The following LRGUK variants were observed in gnomAD, a reference collection of about 807,000 sequenced individuals.
The protein encoded by LRGUK is leucine-rich repeat and guanylate kinase domain-containing protein.
Under a neutral mutation model 76.0 loss-of-function variants are expected in LRGUK, and 65 were observed. The ratio of observed to expected loss-of-function variants is 0.85; its 90% CI spans 0.70 to 1.05. The LOEUF is 1.05. LRGUK is among the 50% of genes least tolerant of loss of function. The pLI is 0.00. For missense variants in LRGUK, 758 were observed against 732.8 expected, an observed-to-expected ratio of 1.03 and a Z score of -0.40; for synonymous variants, 268 against 265.6, an observed-to-expected ratio of 1.01 and a Z score of -0.09.
chr7:134,191,040 C>T (rs1800221522), intron 11 of LRGUK, among the ~76,000 whole-genome samples: 1 of 116,640 alleles, frequency 8.6e-6, no homozygotes, highest in Non-Finnish European at 2.0e-5. Flanking sequence ...CATGGATTGC[C>T]ACAGGAGGTT....
intron 10 of LRGUK, among the ~76,000 whole-genome samples, chr7:134,183,506 TTAAAG>T (rs1202625149): frequency 6.6e-6 from 1 of 152,282 alleles, no homozygotes; most frequent in Admixed American, 6.5e-5. Flanking sequence ...AAAAGTCATG[TTAAAG>T]TAAATTTACG....
chr7:134,164,435 A>G (rs1798886743), intron 7 of LRGUK, among the ~76,000 whole-genome samples: 1 of 152,188 alleles, frequency 6.6e-6, no homozygotes, highest in Admixed American at 6.5e-5. Context: ...AAAACCACAG[A>G]AACTGGCTTT....
intron 16 of LRGUK, among the ~76,000 whole-genome samples, chr7:134,240,555 A>G (rs980008784): frequency 6.6e-6 from 1 of 152,232 alleles, no homozygotes; most frequent in Non-Finnish European, 1.5e-5. Context: ...GGACTATGTG[A>G]AAAGACCAAA....
At position 134,178,935 on chromosome 7, in the gene LRGUK, A is replaced by AAAAAAAAAAAAAAACC. The variant is rs984857605; in HGVS notation, c.1214+339_1214+340insACCAAAAAAAAAAAAA. ...CACAACAGTGAAATCTCAAAAAAAA[A>AAAAAAAAAAAAAAACC]AAAAAAAAAAAAACCAGGACCAATT... On this transcript the variant is annotated intron_variant, in intron 10 of 15. Transcript: ENST00000645682. Among the ~76,000 whole-genome samples the AAAAAAAAAAAAAAACC allele has an allele frequency of 5.9e-4, 15 of 25,514 alleles. No homozygotes were observed. In the South Asian group the frequency reaches 6.7e-3, roughly 11 times the overall value. 16.7% of individuals were successfully genotyped at this position (25,514 alleles called of 152,430 possible).
intron 15 of LRGUK, among the ~76,000 whole-genome samples, chr7:134,216,001 T>C (rs1029418934): frequency 1.3e-5 from 2 of 152,212 alleles, no homozygotes; most frequent in African/African-American, 2.4e-5. Flanking sequence ...AAATTCATTA[T>C]TGCAAACAAC....
chr7:134,271,496 AT>A, the LRGUK span, among the ~76,000 whole-genome samples: 23 of 151,386 alleles, frequency 1.5e-4, no homozygotes, highest in African/African-American at 4.6e-4. Flanking sequence ...ATAGGATTGA[AT>A]TTTTTTTTAT....
intron 18 of LRGUK, among the ~76,000 whole-genome samples, chr7:134,250,239 T>C (rs1802410715): frequency 6.6e-6 from 1 of 152,148 alleles, no homozygotes; most frequent in African/African-American, 2.4e-5. Context: ...ACACCTAAAT[T>C]ATTTGCACAG....
At chr7:134,180,378 A>C (rs922922746) in intron 10 of LRGUK, among the ~76,000 whole-genome samples, 1 of 151,974 alleles carries the variant, frequency 6.6e-6, no homozygotes, top group Non-Finnish European at 1.5e-5. Context: ...ATCTATATCT[A>C]TCTGTCTGTT....
At chr7:134,263,858 A>G in exon 20 of LRGUK, 1 of 1,610,082 alleles carries the variant, frequency 6.2e-7, no homozygotes, top group African/African-American at 1.3e-5. Context: ...TACCTATACA[A>G]TCATTTTCAC....
intron 16 of LRGUK, among the ~76,000 whole-genome samples, chr7:134,226,982 A>T (rs1801779290): frequency 6.6e-6 from 1 of 152,130 alleles, no homozygotes; most frequent in African/African-American, 2.4e-5. Context: ...TTCTGCTTCC[A>T]CTAAAGGCAG....
chr7:134,175,491 T>A (rs1009343178), intron 8 of LRGUK, among the ~76,000 whole-genome samples: 1 of 152,166 alleles, frequency 6.6e-6, no homozygotes, highest in Non-Finnish European at 1.5e-5. Context: ...GGGCTTAAAG[T>A]GGCCAGCACA....
intron 1 of LRGUK, 120 bp from the exon 2 acceptor site, chr7:134,136,903 T>G: frequency 1.3e-6 from 1 of 778,816 alleles, no homozygotes; most frequent in Non-Finnish European, 2.0e-6. Context: ...GGTTGGTAAA[T>G]TTTGGAGAGC....
At chr7:134,199,477 G>A in intron 14 of LRGUK, 56 bp downstream of exon 14, 2 of 1,487,388 alleles carry the variant, frequency 1.3e-6, no homozygotes, top group Non-Finnish European at 1.9e-6. Flanking sequence ...TGAATTAAAA[G>A]TTTGTTTCAT....
At chr7:134,220,322 C>T (rs1801555662) in intron 15 of LRGUK, among the ~76,000 whole-genome samples, 1 of 152,132 alleles carries the variant, frequency 6.6e-6, no homozygotes, top group African/African-American at 2.4e-5. Context: ...CTTTAGACTT[C>T]CTTACCATGA....
chr7:134,165,771 A>G (rs1798953000), intron 7 of LRGUK, among the ~76,000 whole-genome samples: 1 of 152,192 alleles, frequency 6.6e-6, no homozygotes, highest in African/African-American at 2.4e-5. Context: ...GTGGCTAGTA[A>G]TTACCATATG....
chr7:134,179,064 C>T (rs1799627154), intron 10 of LRGUK, among the ~76,000 whole-genome samples: 1 of 151,838 alleles, frequency 6.6e-6, no homozygotes, highest in South Asian at 2.1e-4. Flanking sequence ...AGCTAAATAC[C>T]CTTGCCAAAG....
chr7:134,194,253 C>G (rs1486742638), intron 12 of LRGUK, among the ~76,000 whole-genome samples: 1 of 152,146 alleles, frequency 6.6e-6, no homozygotes, highest in Non-Finnish European at 1.5e-5. Flanking sequence ...CAAGATTCCT[C>G]CCAACTCTAC....
chr7:134,198,368 G>A (rs1024369611), intron 13 of LRGUK, among the ~76,000 whole-genome samples: 1 of 152,072 alleles, frequency 6.6e-6, no homozygotes, highest in African/African-American at 2.4e-5. Flanking sequence ...TTTCCAGGAG[G>A]TTGAGTCTAT....
In LRGUK at chr7:134,194,693, A is replaced by T. The variant is rs1429126418; in HGVS notation, c.1432-2299A>T. ...GAGGTCAAGGCTGCAGTGAGTTATG[A>T]TTGCCCCACTGCACTCCAGCCTGTG... On this transcript the variant is annotated intron_variant, in intron 12 of 15. Transcript: ENST00000645682. Among the ~76,000 whole-genome samples, 9 of 152,272 alleles carry T rather than the reference A, an allele frequency of 5.9e-5. No homozygotes were observed. The South Asian group carries it at 1.9e-3, about 32-fold the overall frequency.
Sources: gnomAD v4.1 joint callset for allele counts (sites outside exome capture counted in the v4.1 genomes callset) on GRCh38, gnomAD v4.1.1 for gene constraint, MANE v1.5 for transcripts, NCBI Gene and HGNC (gene_info 2026-07-23, HGNC 2026-07-21) for gene names.